The following RPH3AL variants were observed in gnomAD, a reference collection of about 807,000 sequenced individuals.
RPH3AL encodes rabphilin 3A like (without C2 domains).
In RPH3AL, 38 loss-of-function variants were observed where a neutral mutation model predicts 43.1. The ratio of observed to expected loss-of-function variants is 0.88; its 90% CI spans 0.68 to 1.15. The LOEUF is 1.15. Ranked by LOEUF, RPH3AL falls within the 50% of genes most tolerant of loss-of-function variation. The probability of loss-of-function intolerance (pLI) is 0.00; values close to 1 mark genes in which losing one functional copy is unlikely to be tolerated. For synonymous variants in RPH3AL, 189 were observed against 176.3 expected (o/e 1.07, Z -0.57); for missense variants, 462 against 423.2 (o/e 1.09, Z -0.81).
chr17:321,636 C>T (rs1163947171), intron 3 of RPH3AL: 14 of 510,856 alleles, frequency 2.7e-5, no homozygotes, highest in Non-Finnish European at 4.1e-5. Flanking sequence ...GCCCAGGTTC[C>T]GTGTGCCGGG....
chr17:213,905 G>C lies in RPH3AL; in HGVS notation c.895C>G (p.Arg299Gly), dbSNP rs753137177. 2 of 1,613,194 alleles carry C rather than the reference G, an allele frequency of 1.2e-6. No homozygotes were observed. Among genetic ancestry groups the C allele is most frequent in the Non-Finnish European group, 1.7e-6 (2 of 1,179,826 alleles). Residue 299 changes from arginine to glycine, a missense_variant, in exon 10 of 10, where the codon CGA (arginine) becomes GGA (glycine). Arg to Gly is a moderately radical substitution (Grantham distance 125, BLOSUM62 -2). Transcript: ENST00000331302. ...GGAGCTGCGTCAGCAGCGGGGGCTCGTCCAGGTGTGTCTTTTACCTTTGGA... is the reference window on the plus strand; with the variant it reads ...GGAGCTGCGTCAGCAGCGGGGGCTCCTCCAGGTGTGTCTTTTACCTTTGGA... Reference protein sequence around the residue: ...RRAPVKDTPGRAPAADAAPAG... With the variant: ...RRAPVKDTPGGAPAADAAPAG...
chr17:352,529 C>A (rs141370608), intron 1 of RPH3AL, 183 bp downstream of exon 1: 64 of 152,356 alleles, frequency 4.2e-4, no homozygotes, highest in African/African-American at 1.4e-3. Context: ...GGACCTGGGG[C>A]AGCCTGGAAA....
At chr17:248,779 A>G (rs1320011246) in intron 6 of RPH3AL, among the ~76,000 whole-genome samples, 1 of 152,214 alleles carries the variant, frequency 6.6e-6, no homozygotes, top group East Asian at 1.9e-4. Flanking sequence ...AACCTCTCTG[A>G]GCCTGAGTTT....
intron 5 of RPH3AL, among the ~76,000 whole-genome samples, chr17:318,591 A>G (rs1057364666): frequency 6.7e-6 from 1 of 149,058 alleles, no homozygotes; most frequent in South Asian, 2.1e-4. Context: ...GGTTTATGCC[A>G]GGAAAAAAAA....
At chr17:331,865 AG>A in intron 2 of RPH3AL, 1 of 1,289,166 alleles carries the variant, frequency 7.8e-7, no homozygotes, top group South Asian at 1.2e-5. Flanking sequence ...CCTTGTACTC[AG>A]GTATGACCAT....
intron 7 of RPH3AL, among the ~76,000 whole-genome samples, chr17:243,083 A>G (rs2041615413): frequency 7.9e-6 from 1 of 127,290 alleles, no homozygotes; most frequent in Admixed American, 7.8e-5. Flanking sequence ...ACCTTCCTCT[A>G]TTGATTACCT....
At chr17:276,791 A>G (rs1341744714) in intron 6 of RPH3AL, among the ~76,000 whole-genome samples, 1 of 152,294 alleles carries the variant, frequency 6.6e-6, no homozygotes, top group African/African-American at 2.4e-5. Context: ...CAATTCTCCA[A>G]GCTGTTATAT....
chr17:298,166 A>C lies in RPH3AL; in HGVS notation c.352-16312T>G, dbSNP rs547508066. On this transcript the variant is annotated intron_variant, in intron 5 of 9. Coordinates refer to ENST00000331302, the MANE Select transcript of RPH3AL (RefSeq NM_006987.4). ...CAGTGCCAGGGTCCACCAGAAACTG[A>C]GTCAGCACAGACCACCCAGCCAAAG... Among the ~76,000 whole-genome samples, 133 of 152,228 alleles carry C rather than the reference A, an allele frequency of 8.7e-4. 1 individual carries two copies. Among genetic ancestry groups the C allele is most frequent in the African/African-American group, 3.2e-3 (132 of 41,526 alleles).
At chr17:235,432 G>A (rs2041349618) in intron 7 of RPH3AL, among the ~76,000 whole-genome samples, 8 of 123,786 alleles carry the variant, frequency 6.5e-5, no homozygotes, top group South Asian at 2.9e-4. Context: ...CCGAGGCTCT[G>A]CAGTAACAAG....
chr17:263,845 C>T (rs1162509616), intron 6 of RPH3AL, among the ~76,000 whole-genome samples: 1 of 152,214 alleles, frequency 6.6e-6, no homozygotes, highest in Admixed American at 6.5e-5. Flanking sequence ...GGCCAAGTTC[C>T]TTCCCACACA....
At position 219,729 on chromosome 17, in the gene RPH3AL, G is replaced by A. The variant is rs753512493; in HGVS notation, c.621C>T (p.Ser207=). ...GATCCGAGTCACTGTCACTGTCACT[G>A]GAAACCACTGGAAGAGACAGACCAC... ...IYTWARGRVV[S]SDSDSDSDLS... Residue 207 remains serine, a synonymous_variant, in exon 8 of 10, where the codon TCC becomes TCT. Coordinates refer to ENST00000331302, the MANE Select transcript of RPH3AL (RefSeq NM_006987.4). 13 of 1,611,522 alleles carry A rather than the reference G, an allele frequency of 8.1e-6. No individual in the cohort carries two copies. The highest frequency in any genetic ancestry group is 2.2e-5 in the South Asian group (2 of 91,042).
chr17:316,010 T>A (rs1555520428), intron 5 of RPH3AL, among the ~76,000 whole-genome samples: 1 of 151,838 alleles, frequency 6.6e-6, no homozygotes, highest in African/African-American at 2.4e-5. Flanking sequence ...CATTGACCTG[T>A]AGTCCCTGTG....
At chr17:303,397 AC>A (rs2043380551) in intron 5 of RPH3AL, among the ~76,000 whole-genome samples, 1 of 152,134 alleles carries the variant, frequency 6.6e-6, no homozygotes, top group Non-Finnish European at 1.5e-5. Flanking sequence ...TCTCAAAAAA[AC>A]AATCACGAAA....
rs961174526 is a variant in RPH3AL at position 213,880 on chromosome 17, G to A, written c.920C>T (p.Pro307Leu). 1.1e-5 allele frequency: 17 copies of A among 1,613,620 alleles called. No homozygotes were observed. Among genetic ancestry groups the A allele is most frequent in the African/African-American group, 1.3e-5 (1 of 74,942 alleles). The change falls in exon 10 of 10, where the codon CCA becomes CTA. Residue 307 changes from proline to leucine, a missense_variant. Transcript: ENST00000331302. The part of the protein sequence containing the change: ...PGRAPAADAA[P>L]AGPSSCLG ...GCCCAGGCAGCTGGAGGGGCCTGCT[G>A]GAGCTGCGTCAGCAGCGGGGGCTCG...
Position 323,366 on chromosome 17 carries a change from C to A in RPH3AL, c.78-1951G>T, listed in dbSNP as rs1462381249. On this transcript the variant is annotated intron_variant, in intron 3 of 9. Transcript: ENST00000331302. The surrounding 1 kb of genome is among the most constrained non-coding windows in gnomAD (Gnocchi z 4.4). ...CAGCAGGGCAGGGCTGGAAGGGGGG[C>A]AAGGCCAGTAGAGTGGGCAGCCTCT... is the stretch of plus-strand genomic sequence containing the variant. Among the ~76,000 whole-genome samples, 2 of 152,144 alleles carry A rather than the reference C, an allele frequency of 1.3e-5. No homozygotes were observed. The highest frequency in any genetic ancestry group is 2.4e-5 in the African/African-American group (1 of 41,426).
chr17:217,031 G>A lies in RPH3AL; in HGVS notation c.728-1229C>T, dbSNP rs2040820454. Among the ~76,000 whole-genome samples the A allele has an allele frequency of 4.0e-5, 6 of 149,792 alleles. No individual in the cohort carries two copies. In the South Asian group the frequency reaches 1.3e-3, roughly 32 times the overall value. The stretch of plus-strand genomic sequence containing the variant: ...CTTCTGCCCTAAAATTGGCCTCGCT[G>A]AAATCAGGACCCCCAAGGCATTTCA... On this transcript the variant is annotated intron_variant, in intron 8 of 9. Transcript: ENST00000331302.
At position 213,791 on chromosome 17, in the gene RPH3AL, G is replaced by C; in HGVS notation, c.*61C>G. 7.2e-7 allele frequency: 1 copy of C among 1,382,178 alleles called. No individual in the cohort carries two copies. Among genetic ancestry groups the C allele is most frequent in the Non-Finnish European group, 1.0e-6 (1 of 978,914 alleles). The allele number at this position is 1,382,178 out of a possible 1,614,324, so 85.6% of individuals were successfully genotyped here. A position where few individuals can be genotyped will look rare whatever the true frequency, so the allele number is the denominator to read the frequency against. On this transcript the variant is annotated 3_prime_UTR_variant, in exon 10 of 10. Coordinates refer to ENST00000331302, the MANE Select transcript of RPH3AL (RefSeq NM_006987.4). ...GAGGGCACAAGGACCGGTCAGGGAG[G>C]AGCCGGGCAGGGTCTGGCAGGAATC... is the stretch of plus-strand genomic sequence containing the variant.
intron 6 of RPH3AL, among the ~76,000 whole-genome samples, chr17:279,908 A>C (rs1005823373): frequency 3.3e-5 from 5 of 152,186 alleles, no homozygotes; most frequent in South Asian, 4.1e-4. Flanking sequence ...GTCTTACTGA[A>C]TTCTCGCAGC....
intron 3 of RPH3AL, among the ~76,000 whole-genome samples, chr17:325,020 G>A (rs1171195897): frequency 3.3e-5 from 5 of 152,082 alleles, no homozygotes; most frequent in African/African-American, 4.8e-5. Context: ...CAACACGACC[G>A]GCTAATTTTT....
Sources: gnomAD v4.1 joint callset for allele counts (sites outside exome capture counted in the v4.1 genomes callset) on GRCh38, gnomAD v4.1.1 for gene constraint, Gnocchi (gnomAD v3.1) non-coding constraint, MANE v1.5 for transcripts, NCBI Gene and HGNC (gene_info 2026-07-23, HGNC 2026-07-21) for gene names.